The following SULT2B1 variants were observed in gnomAD, a reference collection of about 807,000 sequenced individuals.
SULT2B1 encodes sulfotransferase 2B1.
A neutral mutation model predicts 33.2 loss-of-function variants in SULT2B1; 16 were observed. The observed-to-expected ratio is 0.48, with a 90% CI of 0.33 to 0.73. SULT2B1 has a LOEUF of 0.73. Ranked by LOEUF, SULT2B1 falls within the 30% of genes least tolerant of loss-of-function variation. The pLI is 0.02. For synonymous variants in SULT2B1, 186 were observed against 200.5 expected, an observed-to-expected ratio of 0.93 and a Z score of 0.61; for missense variants, 500 against 506.0, an observed-to-expected ratio of 0.99 and a Z score of 0.11.
intron 4 of SULT2B1, 142 bp downstream of exon 4, chr19:48,591,877 G>T (rs111256801): frequency 1.0e-6 from 1 of 960,270 alleles, no homozygotes; most frequent in East Asian, 3.1e-5. Context: ...CAGAGAGCAG[G>T]TGGCCAGGAG....
At chr19:48,598,093 A>T (rs1973744656) in intron 6 of SULT2B1, among the ~76,000 whole-genome samples, 1 of 152,200 alleles carries the variant, frequency 6.6e-6, no homozygotes, top group African/African-American at 2.4e-5. Context: ...TCACATATTC[A>T]CAGGTTCCAA....
intron 3 of SULT2B1, among the ~76,000 whole-genome samples, chr19:48,588,715 A>G (rs1973601735): frequency 6.6e-6 from 1 of 151,810 alleles, no homozygotes; most frequent in Admixed American, 6.6e-5. Context: ...TGGGGCTGCA[A>G]TTATAAATAA....
At chr19:48,575,811 C>T in intron 1 of SULT2B1, 130 bp from the exon 2 acceptor site, 1 of 1,477,784 alleles carries the variant, frequency 6.8e-7, no homozygotes, top group Non-Finnish European at 9.0e-7. Context: ...GACAGTGTCA[C>T]CACTTTACAG....
chr19:48,552,412 C>T lies in SULT2B1; in HGVS notation c.71+89C>T. On this transcript the variant is annotated intron_variant, in intron 1 of 6. Coordinates refer to ENST00000201586, the MANE Select transcript of SULT2B1 (RefSeq NM_177973.2). This position sits in a 1 kb window ranked among gnomAD's most constrained non-coding sequence, Gnocchi z 4.8. ...CGGGGACTGTGGCAAGGGTGGCCTC[C>T]AGCCACCCGCAGCCGCAGGCCTGGC... The T allele has an allele frequency of 7.4e-7, 1 of 1,357,362 alleles. No homozygotes were observed. The allele number at this position is 1,357,362 out of a possible 1,614,324, so 84.1% of individuals were successfully genotyped here.
At chr19:48,581,022 T>A (rs1221495903) in intron 2 of SULT2B1, among the ~76,000 whole-genome samples, 1 of 143,174 alleles carries the variant, frequency 7.0e-6, no homozygotes, top group African/African-American at 2.6e-5. Flanking sequence ...AGCCATCATA[T>A]ATATTCCTTT....
In SULT2B1 at chr19:48,599,358, C is replaced by G; in HGVS notation, c.1050C>G (p.Ser350Arg). ...EREPRPNSSP[S>R]PSPGQASETP... Reference sequence around the variant, plus strand: ...AGCCCAGACCCAACTCCAGCCCCAGCCCCAGCCCCGGCCAGGCCTCTGAGA... The same window carrying G: ...AGCCCAGACCCAACTCCAGCCCCAGGCCCAGCCCCGGCCAGGCCTCTGAGA... Residue 350 changes from serine (S) to arginine (R), a missense_variant, in exon 7 of 7, where the codon AGC becomes AGG. By Grantham distance (110) the Ser-to-Arg change is moderately radical (BLOSUM62 -1). Transcript: ENST00000201586. This position sits in a 1 kb window ranked among gnomAD's most constrained non-coding sequence, Gnocchi z 4.1. 1 of 1,573,776 alleles carries G rather than the reference C, an allele frequency of 6.4e-7. No homozygotes were observed. Among genetic ancestry groups the G allele is most frequent in the South Asian group, 1.2e-5 (1 of 86,694 alleles).
intron 1 of SULT2B1, among the ~76,000 whole-genome samples, chr19:48,570,117 CTT>C (rs977915976): frequency 1.3e-5 from 2 of 151,922 alleles, no homozygotes; most frequent in Non-Finnish European, 2.9e-5. Flanking sequence ...AAGTCTGGCT[CTT>C]TCACTCAGTG....
chr19:48,596,122 T>C (rs1973710640), intron 5 of SULT2B1: 1 of 150,752 alleles, frequency 6.6e-6, no homozygotes, highest in Admixed American at 6.7e-5. Flanking sequence ...AGCCGGCTGC[T>C]GAGGCATGGA....
chr19:48,563,760 T>G (rs1973208914), intron 1 of SULT2B1, among the ~76,000 whole-genome samples: 3 of 150,730 alleles, frequency 2.0e-5, no homozygotes, highest in African/African-American at 7.3e-5. Flanking sequence ...AGGCCAGGAG[T>G]TCAAGACCAG....
intron 2 of SULT2B1, among the ~76,000 whole-genome samples, chr19:48,579,766 C>T (rs1465180907): frequency 2.6e-5 from 4 of 151,664 alleles, no homozygotes; most frequent in Non-Finnish European, 4.4e-5. Flanking sequence ...GCCACCACGC[C>T]CAGCTAATTT....
chr19:48,596,373 G>A, intron 5 of SULT2B1: 1 of 212,694 alleles, frequency 4.7e-6, no homozygotes, highest in South Asian at 8.1e-5. Context: ...CTAACCTGAA[G>A]GAGGGTGATT....
intron 1 of SULT2B1, among the ~76,000 whole-genome samples, chr19:48,558,776 C>T (rs910696480): frequency 3.3e-5 from 5 of 150,358 alleles, no homozygotes; most frequent in East Asian, 2.0e-4. Context: ...CAGCCGCCTC[C>T]GGGGTTCAAG....
At chr19:48,562,879 C>T (rs1460563504) in intron 1 of SULT2B1, among the ~76,000 whole-genome samples, 1 of 151,834 alleles carries the variant, frequency 6.6e-6, no homozygotes, top group African/African-American at 2.4e-5. Flanking sequence ...GGGGTTTCAC[C>T]ATGTTGGTCA....
chr19:48,552,613 G>C lies in SULT2B1; in HGVS notation c.71+290G>C, dbSNP rs953631721. Among the ~76,000 whole-genome samples, 3 of 152,178 alleles carry C rather than the reference G, an allele frequency of 2.0e-5. No individual in the cohort carries two copies. In the East Asian group the frequency reaches 5.8e-4, roughly 29 times the overall value. Reference sequence around the variant, plus strand: ...TCTGTCAAAGGGGCCCACAAGCCCTGTGTCTCCCTGATAGAGCAGTGGAAG... The same window carrying C: ...TCTGTCAAAGGGGCCCACAAGCCCTCTGTCTCCCTGATAGAGCAGTGGAAG... On this transcript the variant is annotated intron_variant, in intron 1 of 6. Transcript: ENST00000201586. The surrounding 1 kb of genome is among the most constrained non-coding windows in gnomAD (Gnocchi z 4.8).
intron 3 of SULT2B1, among the ~76,000 whole-genome samples, chr19:48,587,671 C>T (rs1242858168): frequency 6.6e-6 from 1 of 151,822 alleles, no homozygotes; most frequent in Non-Finnish European, 1.5e-5. Flanking sequence ...GCGGGAGGAT[C>T]ACTTTGGGCC....
intron 1 of SULT2B1, among the ~76,000 whole-genome samples, chr19:48,556,052 C>G (rs1248365221): frequency 6.6e-6 from 1 of 152,040 alleles, no homozygotes; most frequent in Admixed American, 6.6e-5. Context: ...ATTTTTGTAT[C>G]TTTAGTAGAG....
At chr19:48,563,669 A>C (rs1374887573) in intron 1 of SULT2B1, among the ~76,000 whole-genome samples, 1 of 152,050 alleles carries the variant, frequency 6.6e-6, no homozygotes, top group Non-Finnish European at 1.5e-5. Context: ...GATTGAGACA[A>C]GATGCAGGCT....
chr19:48,558,012 A>T (rs1176483338), intron 1 of SULT2B1, among the ~76,000 whole-genome samples: 3 of 152,216 alleles, frequency 2.0e-5, no homozygotes, highest in Non-Finnish European at 4.4e-5. Flanking sequence ...CTGCTGACCC[A>T]GTAGGCTGAC....
intron 5 of SULT2B1, among the ~76,000 whole-genome samples, chr19:48,593,683 G>A (rs1227674190): frequency 6.6e-6 from 1 of 151,310 alleles, no homozygotes; most frequent in Non-Finnish European, 1.5e-5. Flanking sequence ...GGCCCAGGAT[G>A]GAGTGCAATG....
Sources: allele counts gnomAD v4.1 joint callset (sites outside exome capture counted in the v4.1 genomes callset), GRCh38; gene constraint gnomAD v4.1.1; non-coding constraint Gnocchi (gnomAD v3.1); transcripts MANE v1.5; gene names NCBI Gene and HGNC (gene_info 2026-07-23, HGNC 2026-07-21).